Variants in PPFIA2 observed in about 807,000 individuals in gnomAD.
PPFIA2 encodes liprin-alpha-2.
A neutral mutation model predicts 175.5 loss-of-function variants in PPFIA2; 46 were observed. The ratio of observed to expected loss-of-function variants is 0.26; its 90% confidence interval spans 0.21 to 0.34. The LOEUF is 0.34. Among genes scored for constraint, PPFIA2 ranks in the 10% least tolerant of loss-of-function variants. The pLI is 1.00. For missense variants in PPFIA2, 1,179 were observed against 1,506.1 expected, an observed-to-expected ratio of 0.78 and a Z score of 3.60; for synonymous variants, 568 against 511.4, an observed-to-expected ratio of 1.11 and a Z score of -1.49.
chr12:81,719,259 T>C (rs1181597623), intron 3 of PPFIA2, among the ~76,000 whole-genome samples: 1 of 151,618 alleles, frequency 6.6e-6, no homozygotes. Context: ...ATAGTAACTA[T>C]ACCCAATGTT....
At position 81,617,585 on chromosome 12, in the gene PPFIA2, C is replaced by T. The variant is rs143475877; in HGVS notation, c.303+59206G>A. Among the ~76,000 whole-genome samples, 43 of 152,272 alleles carry T rather than the reference C, an allele frequency of 2.8e-4. No homozygotes were observed. The East Asian group carries it at 7.5e-3, about 27-fold the overall frequency. ...CTAATCCCAATCCTCCAATAGTTTCCTGTCACATTTCTGAGAAAATCCAAA... is the reference window on the plus strand; with the variant it reads ...CTAATCCCAATCCTCCAATAGTTTCTTGTCACATTTCTGAGAAAATCCAAA... On this transcript the variant is annotated intron_variant, in intron 4 of 32. Transcript: ENST00000549396.
At chr12:81,307,208 C>G (rs987178806) in intron 22 of PPFIA2, among the ~76,000 whole-genome samples, 2 of 152,192 alleles carry the variant, frequency 1.3e-5, no homozygotes, top group Admixed American at 6.5e-5. Context: ...GTCAATCTCA[C>G]TCATAGAGAT....
intron 7 of PPFIA2, among the ~76,000 whole-genome samples, chr12:81,406,363 T>A (rs17008505): frequency 0.015 from 2,226 of 152,256 alleles, 54 homozygotes; most frequent in East Asian, 0.059. Context: ...ATAGCCCATC[T>A]GCAATTTAAT....
At chr12:81,654,757 C>A (rs2067520420) in intron 4 of PPFIA2, among the ~76,000 whole-genome samples, 1 of 152,124 alleles carries the variant, frequency 6.6e-6, no homozygotes, top group Non-Finnish European at 1.5e-5. Context: ...CTCCCAGAAA[C>A]TGAGATTGTT....
At chr12:81,758,341 G>T in intron 2 of PPFIA2, 59 bp downstream of exon 2, 1 of 454,686 alleles carries the variant, frequency 2.2e-6, no homozygotes, top group East Asian at 7.0e-5. Context: ...GTGGGGCCGG[G>T]GAGGTGGTCA....
intron 7 of PPFIA2, 117 bp downstream of exon 7, chr12:81,439,855 G>A (rs2049839723): frequency 5.7e-6 from 5 of 884,414 alleles, no homozygotes; most frequent in South Asian, 3.3e-5. Context: ...TTGTTCAATG[G>A]CATAGACAGA....
At chr12:81,682,906 C>T (rs1226511898) in intron 3 of PPFIA2, among the ~76,000 whole-genome samples, 3 of 152,038 alleles carry the variant, frequency 2.0e-5, no homozygotes, top group South Asian at 2.1e-4. Flanking sequence ...ACTACTCCAT[C>T]TTTATTGAAA....
intron 4 of PPFIA2, among the ~76,000 whole-genome samples, chr12:81,581,982 A>G (rs1341038008): frequency 2.0e-5 from 3 of 151,898 alleles, no homozygotes; most frequent in African/African-American, 7.2e-5. Flanking sequence ...GGGAAATTCA[A>G]TATTTGCATA....
chr12:81,562,988 TGCCAATGTCAA>T (rs2070509470), intron 4 of PPFIA2, among the ~76,000 whole-genome samples: 2 of 152,072 alleles, frequency 1.3e-5, no homozygotes, highest in African/African-American at 2.4e-5. Flanking sequence ...TGCAAGTCAT[TGCCAATGTCAA>T]TAGACAACGA....
chr12:81,558,736 G>A lies in PPFIA2; in HGVS notation c.304-100870C>T, dbSNP rs1400642801. On this transcript the variant is annotated intron_variant, in intron 4 of 32. Coordinates refer to ENST00000549396, the MANE Select transcript of PPFIA2 (RefSeq NM_003625.5). ...ATGTATTTCTGATCCTGTAATGGCA[G>A]GTGTGGGCAGAGCTGGTGAAAAAGG... is the stretch of plus-strand genomic sequence containing the variant. 2.6e-5 allele frequency among the ~76,000 whole-genome samples: 4 copies of A among 152,268 alleles called. No individual in the cohort carries two copies. The South Asian group carries it at 8.3e-4, about 32-fold the overall frequency.
chr12:81,717,051 A>G (rs1407954962), intron 3 of PPFIA2, among the ~76,000 whole-genome samples: 2 of 151,694 alleles, frequency 1.3e-5, no homozygotes, highest in Non-Finnish European at 3.0e-5. Flanking sequence ...TAGTGGGACA[A>G]CATGGGAGTT....
At chr12:81,320,299 T>G (rs2053381736) in intron 22 of PPFIA2, among the ~76,000 whole-genome samples, 1 of 152,038 alleles carries the variant, frequency 6.6e-6, no homozygotes, top group Admixed American at 6.6e-5. Flanking sequence ...AGAGCTTAAC[T>G]TTTATGTCTG....
intron 4 of PPFIA2, among the ~76,000 whole-genome samples, chr12:81,538,603 A>C (rs1457192390): frequency 6.6e-6 from 1 of 151,940 alleles, no homozygotes; most frequent in Non-Finnish European, 1.5e-5. Context: ...CTATTTCAAC[A>C]AAGACTTGAA....
intron 4 of PPFIA2, among the ~76,000 whole-genome samples, chr12:81,526,789 CA>C (rs2063781241): frequency 6.6e-6 from 1 of 152,126 alleles, no homozygotes; most frequent in Non-Finnish European, 1.5e-5. Context: ...TCTAGCTCCT[CA>C]ATACCCAGTG....
intron 4 of PPFIA2, among the ~76,000 whole-genome samples, chr12:81,595,478 T>G (rs1036442406): frequency 3.3e-5 from 5 of 152,062 alleles, no homozygotes; most frequent in Non-Finnish European, 5.9e-5. Flanking sequence ...ACAGTGCAAA[T>G]TGAGTGCTGG....
At chr12:81,483,152 A>C (rs12824317) in intron 4 of PPFIA2, among the ~76,000 whole-genome samples, 77,843 of 151,936 alleles carry the variant, frequency 0.51, 20,307 homozygotes, top group African/African-American at 0.59. Flanking sequence ...AATAGCGTAG[A>C]ATTTATTTGA....
chr12:81,751,564 C>T (rs144453596), intron 3 of PPFIA2, among the ~76,000 whole-genome samples: 1 of 142,106 alleles, frequency 7.0e-6, no homozygotes, highest in Non-Finnish European at 1.6e-5. Flanking sequence ...CACACACACA[C>T]ATATACAGAG....
chr12:81,280,719 C>A (rs1327453712), intron 27 of PPFIA2, among the ~76,000 whole-genome samples: 3 of 151,948 alleles, frequency 2.0e-5, no homozygotes, highest in African/African-American at 4.8e-5. Context: ...TGCATCCTCA[C>A]AGTTATCTAA....
intron 4 of PPFIA2, among the ~76,000 whole-genome samples, chr12:81,545,036 G>T (rs2066775630): frequency 6.6e-6 from 1 of 151,048 alleles, no homozygotes; most frequent in African/African-American, 2.4e-5. Flanking sequence ...GCTTTCTATT[G>T]GTACAACACT....
Sources: allele counts gnomAD v4.1 joint callset (sites outside exome capture counted in the v4.1 genomes callset), GRCh38; gene constraint gnomAD v4.1.1; transcripts MANE v1.5; gene names NCBI Gene and HGNC (gene_info 2026-07-23, HGNC 2026-07-21).